The following ATP7B variants were observed in gnomAD, a reference collection of about 807,000 sequenced individuals.
The protein encoded by ATP7B is copper-transporting ATPase 2.
A neutral mutation model predicts 118.9 loss-of-function variants in ATP7B; 113 were observed. That is an observed-to-expected ratio of 0.95 (90% confidence interval 0.82 to 1.11). ATP7B has a LOEUF of 1.11. Ranked by LOEUF, ATP7B falls within the 50% of genes most tolerant of loss-of-function variation. ATP7B has a pLI of 0.00. For synonymous variants in ATP7B, 777 were observed against 727.4 expected, an observed-to-expected ratio of 1.07 and a Z score of -1.10; for missense variants, 1,867 against 1,871.4, an observed-to-expected ratio of 1.00 and a Z score of 0.04.
At chr13:51,964,662 T>C (rs1958970547) in intron 5 of ATP7B, 1 of 573,920 alleles carries the variant, frequency 1.7e-6, no homozygotes, top group African/African-American at 1.9e-5. Context: ...CTCATCTTTC[T>C]CTTACCCATT....
chr13:51,995,794 C>A (rs1220718211), intron 1 of ATP7B, among the ~76,000 whole-genome samples: 1 of 152,130 alleles, frequency 6.6e-6, no homozygotes, highest in East Asian at 1.9e-4. Flanking sequence ...TACAACCGTC[C>A]CAGCACTTGG....
chr13:51,934,900 T>A lies in ATP7B; in HGVS notation c.4254A>T (p.Pro1418=). ...GGCTGACATAGCTGACCTGGTCCCA[T>A]GGTGTGGCCCTGGGGGAGTCCCGCC... ...DRWRDSPRAT[P]WDQVSYVSQV... is the part of the protein sequence containing the mutation. Residue 1418 remains proline (P), a synonymous_variant, in exon 21 of 21, where the codon CCA becomes CCT. Coordinates refer to ENST00000242839, the MANE Select transcript of ATP7B (RefSeq NM_000053.4). The A allele has an allele frequency of 6.2e-7, 1 of 1,614,170 alleles. No individual in the cohort carries two copies. Among genetic ancestry groups the A allele is most frequent in the Non-Finnish European group, 8.5e-7 (1 of 1,180,036 alleles).
At chr13:51,962,013 G>T in intron 5 of ATP7B, 100 bp from the exon 6 acceptor site, 1 of 989,172 alleles carries the variant, frequency 1.0e-6, no homozygotes, top group South Asian at 1.4e-5. Context: ...ATTAGAAAGT[G>T]AATCTAAAAG....
chr13:52,011,517 G>A (rs1954037528), upstream of ATP7B: 2 of 731,448 alleles, frequency 2.7e-6, no homozygotes, highest in Non-Finnish European at 4.8e-6. Context: ...TTGGGACCGG[G>A]GAAGCCGCAG....
chr13:51,974,452 C>T lies in ATP7B; in HGVS notation c.768G>A (p.Val256=), dbSNP rs2140090759. Reference sequence around the variant, plus strand: ...CATCTATTCTCAGTTGGAGGGTGACCACATGGCTTCCTTGGTGCCCCAAGG... The same window carrying T: ...CATCTATTCTCAGTTGGAGGGTGACTACATGGCTTCCTTGGTGCCCCAAGG... The part of the protein sequence containing the change: ...SETLGHQGSH[V]VTLQLRIDGM... Residue 256 remains valine (V), a synonymous_variant, in exon 2 of 21, where the codon GTG becomes GTA. Transcript: ENST00000242839. The T allele has an allele frequency of 6.2e-7, 1 of 1,614,024 alleles. No homozygotes were observed.
chr13:51,939,205 C>T lies in ATP7B; in HGVS notation c.3557-12G>A. The T allele has an allele frequency of 3.1e-6, 5 of 1,612,014 alleles. No individual in the cohort carries two copies. Among genetic ancestry groups the T allele is most frequent in the Non-Finnish European group, 4.2e-6 (5 of 1,180,018 alleles). On this transcript the variant is annotated splice_polypyrimidine_tract_variant and intron_variant, in intron 16 of 20. Transcript: ENST00000242839. ...CCCACAGAGCACACCTGGAGCGAAC[C>T]AGCCAGCATCAGCAGCTACACAAGT... is the stretch of plus-strand genomic sequence containing the variant.
At chr13:52,008,750 G>A (rs1288222497) in intron 1 of ATP7B, among the ~76,000 whole-genome samples, 1 of 152,184 alleles carries the variant, frequency 6.6e-6, no homozygotes, top group Non-Finnish European at 1.5e-5. Flanking sequence ...TCTGAAATCT[G>A]AATCATTCAG....
chr13:51,972,777 A>G (rs1951903624), intron 2 of ATP7B, among the ~76,000 whole-genome samples: 1 of 152,132 alleles, frequency 6.6e-6, no homozygotes, highest in Non-Finnish European at 1.5e-5. Flanking sequence ...AGGCGGGAGG[A>G]TTGCTAGAGG....
chr13:51,937,345 C>G lies in ATP7B; in HGVS notation c.3952G>C (p.Val1318Leu), dbSNP rs1275125090. Residue 1318 changes from valine to leucine, a missense_variant, in exon 19 of 21, where the codon GTC becomes CTC. Coordinates refer to ENST00000242839, the MANE Select transcript of ATP7B (RefSeq NM_000053.4). ...ACCAGGTTGATGCGTATCCTTCGGA[C>G]AGTCCTCTTGGAAAGGTGAATGCTA... ...VASIHLSKRT[V>L]RRIRINLVLA... is the part of the protein sequence containing the mutation. 2.5e-6 allele frequency: 4 copies of G among 1,614,210 alleles called. No individual in the cohort carries two copies. Among genetic ancestry groups the G allele is most frequent in the Non-Finnish European group, 2.5e-6 (3 of 1,180,030 alleles).
chr13:51,996,211 T>C (rs998196008), intron 1 of ATP7B, among the ~76,000 whole-genome samples: 5 of 152,220 alleles, frequency 3.3e-5, no homozygotes, highest in Non-Finnish European at 5.9e-5. Flanking sequence ...CAGTAAGAAC[T>C]GACTGCACAA....
chr13:51,938,323 C>G (rs1400461378), intron 17 of ATP7B, among the ~76,000 whole-genome samples: 1 of 152,216 alleles, frequency 6.6e-6, no homozygotes, highest in Non-Finnish European at 1.5e-5. Flanking sequence ...AAGGGCAGAC[C>G]CCCCTTCACT....
chr13:52,011,175 G>C, intron 1 of ATP7B, 112 bp downstream of exon 1: 1 of 1,500,778 alleles, frequency 6.7e-7, no homozygotes, highest in Non-Finnish European at 9.3e-7. Flanking sequence ...GCTGGGGTCT[G>C]GCTCGGCCTT....
rs199875471 is a variant in ATP7B, at chr13:51,968,464, C to T, written c.1687G>A (p.Asp563Asn). The change falls in exon 4 of 21, where the codon GAT becomes AAT. Residue 563 changes from aspartate (D) to asparagine (N), a missense_variant. Asp to Asn is a conservative substitution (Grantham distance 23). Transcript: ENST00000242839. ...CTTACTGTCAGCTCAATGTTGCCAT[C>T]GGAGCCTGCGTAGTCCTCCATGACT... ...AAVMEDYAGSDGNIELTITGM... is the reference protein window; with the variant it reads ...AAVMEDYAGSNGNIELTITGM... 160 of 1,614,062 alleles carry T rather than the reference C, an allele frequency of 9.9e-5. No individual in the cohort carries two copies. The African/African-American group carries it at 1.7e-3, about 17-fold the overall frequency.
chr13:51,946,652 TC>T, intron 12 of ATP7B, 174 bp from the exon 13 acceptor site: 1 of 727,988 alleles, frequency 1.4e-6, no homozygotes, highest in South Asian at 1.6e-5. Context: ...GTTACTGCTC[TC>T]CACATCCCAG....
At chr13:52,005,014 G>A (rs575639003) in intron 1 of ATP7B, among the ~76,000 whole-genome samples, 5 of 152,302 alleles carry the variant, frequency 3.3e-5, no homozygotes, top group African/African-American at 4.8e-5. Flanking sequence ...AAGGAGCACC[G>A]CAGAATGCAG....
rs565833923 is a variant in ATP7B at position 51,961,164 on chromosome 13, T to A, written c.1946+673A>T. Among the ~76,000 whole-genome samples, 59 of 151,908 alleles carry A rather than the reference T, an allele frequency of 3.9e-4. 1 individual carries two copies. The highest frequency in any genetic ancestry group is 7.6e-4 in the Non-Finnish European group (52 of 67,976). On this transcript the variant is annotated intron_variant, in intron 6 of 20. Coordinates refer to ENST00000242839, the MANE Select transcript of ATP7B (RefSeq NM_000053.4). ...AGGCTCAGATCTTATGTCCCCTGCT[T>A]GGAGTTTTCCTAGACCTTCCAGAAT... is the stretch of plus-strand genomic sequence containing the variant.
At chr13:51,995,885 G>A (rs1953181745) in intron 1 of ATP7B, among the ~76,000 whole-genome samples, 1 of 152,180 alleles carries the variant, frequency 6.6e-6, no homozygotes, top group Admixed American at 6.5e-5. Context: ...AGTGCACACT[G>A]GACACCCGGC....
intron 6 of ATP7B, 32 bp downstream of exon 6, chr13:51,961,805 G>C (rs758921098): frequency 1.3e-6 from 2 of 1,596,662 alleles, no homozygotes; most frequent in Non-Finnish European, 1.7e-6. Flanking sequence ...ACTTAGATGA[G>C]AGCTGGAGTT....
chr13:51,943,663 C>T (rs969996893), intron 14 of ATP7B, among the ~76,000 whole-genome samples: 15 of 152,192 alleles, frequency 9.9e-5, no homozygotes, highest in African/African-American at 3.6e-4. Context: ...CTGCTGGGCA[C>T]TCTGGCTCAC....
Sources: gnomAD v4.1 joint callset for allele counts (sites outside exome capture counted in the v4.1 genomes callset) on GRCh38, gnomAD v4.1.1 for gene constraint, MANE v1.5 for transcripts, NCBI Gene and HGNC (gene_info 2026-07-23, HGNC 2026-07-21) for gene names.